The following VXN variants were observed in gnomAD, a reference collection of about 807,000 sequenced individuals.
VXN encodes vexin.
A neutral mutation model predicts 23.1 loss-of-function variants in VXN; 7 were observed. The observed-to-expected ratio is 0.30, with a 90% CI of 0.17 to 0.57. VXN has a LOEUF of 0.57. VXN is among the 20% of genes least tolerant of loss of function. The probability of loss-of-function intolerance (pLI) is 0.91; values close to 1 mark genes in which losing one functional copy is unlikely to be tolerated. For synonymous variants in VXN, 120 were observed against 105.8 expected, an observed-to-expected ratio of 1.13 and a Z score of -0.83; for missense variants, 238 against 272.6, an observed-to-expected ratio of 0.87 and a Z score of 0.89.
intron 3 of VXN, among the ~76,000 whole-genome samples, chr8:66,509,075 G>A (rs1028346241): frequency 9.2e-5 from 14 of 152,220 alleles, no homozygotes; most frequent in Admixed American, 3.3e-4. Context: ...AGTGCCTGGC[G>A]TACAGACAAA....
chr8:66,512,759 G>A (rs1807839104), intron 4 of VXN, among the ~76,000 whole-genome samples: 1 of 152,182 alleles, frequency 6.6e-6, no homozygotes, highest in South Asian at 2.1e-4. Context: ...AGCCTTGAAG[G>A]GGAGACAGAT....
At chr8:66,505,334 G>A (rs200298492) in intron 2 of VXN, 41 bp from the exon 3 acceptor site, 3 of 1,562,970 alleles carry the variant, frequency 1.9e-6, no homozygotes, top group Admixed American at 1.9e-5. Flanking sequence ...CCCTAGGCCC[G>A]AGCAGAGGAG....
chr8:66,505,282 C>T (rs2130549430), intron 2 of VXN, 93 bp from the exon 3 acceptor site: 8 of 1,476,250 alleles, frequency 5.4e-6, no homozygotes, highest in Non-Finnish European at 7.4e-6. Context: ...TCCCTCGATG[C>T]GAGCTCCATC....
intron 4 of VXN, among the ~76,000 whole-genome samples, chr8:66,511,519 G>C (rs1006568588): frequency 2.6e-5 from 4 of 152,178 alleles, no homozygotes; most frequent in Non-Finnish European, 5.9e-5. Context: ...GGGAAACCAG[G>C]AGGTCTGGGC....
chr8:66,507,633 C>T (rs1291735065), intron 3 of VXN, among the ~76,000 whole-genome samples: 1 of 152,004 alleles, frequency 6.6e-6, no homozygotes, highest in East Asian at 1.9e-4. Flanking sequence ...AAGACAAGAG[C>T]AATAAGTTAT....
chr8:66,505,045 C>G lies in VXN; in HGVS notation c.127-330C>G, dbSNP rs183688594. 1.8e-3 allele frequency among the ~76,000 whole-genome samples: 268 copies of G among 152,338 alleles called. 2 individuals are homozygous for G. Among genetic ancestry groups the G allele is most frequent in the Non-Finnish European group, 3.0e-3 (203 of 68,030 alleles). On this transcript the variant is annotated intron_variant, in intron 2 of 5. Transcript: ENST00000305454. The stretch of plus-strand genomic sequence containing the variant: ...CTGTTGTCAAAACACGTCAGGCGAC[C>G]GGGCAGCTGGCCTGCCCGTATCTCT...
chr8:66,498,573 T>C (rs567031694), intron 2 of VXN, among the ~76,000 whole-genome samples: 15 of 152,206 alleles, frequency 9.9e-5, no homozygotes, highest in Non-Finnish European at 2.1e-4. Flanking sequence ...TGGATAGTAC[T>C]GAACCCTGTA....
At chr8:66,515,835 A>G (rs1807881311) in intron 5 of VXN, 58 bp from the exon 6 acceptor site, 1 of 1,449,074 alleles carries the variant, frequency 6.9e-7, no homozygotes, top group South Asian at 1.4e-5. Flanking sequence ...TAAGGGCAAA[A>G]ATGAAGTTTG....
At chr8:66,502,846 T>C (rs1247122591) in intron 2 of VXN, among the ~76,000 whole-genome samples, 2 of 145,516 alleles carry the variant, frequency 1.4e-5, no homozygotes, top group East Asian at 3.9e-4. Context: ...AGGCTGTTCT[T>C]CTTCCTTTTT....
In VXN at chr8:66,516,553, A is replaced by G. The variant is rs1225107720; in HGVS notation, c.*477A>G. Reference sequence around the variant, plus strand: ...ACAATTTTCAAGGACAAAGCACTATATATAAAGTTAGTAGTTCTAATATCC... The same window carrying G: ...ACAATTTTCAAGGACAAAGCACTATGTATAAAGTTAGTAGTTCTAATATCC... On this transcript the variant is annotated 3_prime_UTR_variant, in exon 6 of 6. Transcript: ENST00000305454. The G allele has an allele frequency of 2.6e-5, 4 of 152,386 alleles. No homozygotes were observed. Among genetic ancestry groups the G allele is most frequent in the Non-Finnish European group, 4.4e-5 (3 of 68,168 alleles). 9.4% of individuals were successfully genotyped at this position (152,386 alleles called of 1,614,324 possible).
At chr8:66,505,283 G>C (rs765404086) in intron 2 of VXN, 92 bp from the exon 3 acceptor site, 5 of 1,485,808 alleles carry the variant, frequency 3.4e-6, no homozygotes, top group Non-Finnish European at 1.8e-6. Flanking sequence ...CCCTCGATGC[G>C]AGCTCCATCT....
intron 2 of VXN, among the ~76,000 whole-genome samples, chr8:66,502,584 T>C: frequency 6.6e-6 from 1 of 151,856 alleles, no homozygotes; most frequent in South Asian, 2.1e-4. Context: ...CCATCTCTAC[T>C]AAAAATACAA....
intron 4 of VXN, among the ~76,000 whole-genome samples, chr8:66,511,183 C>T (rs903769003): frequency 3.2e-4 from 49 of 152,298 alleles, no homozygotes; most frequent in Non-Finnish European, 6.5e-4. Context: ...TCAGGCCTAT[C>T]AGTACATCTC....
rs771919634 is a variant in VXN, at chr8:66,505,425, C to T, written c.177C>T (p.Pro59=). 8.9e-6 allele frequency: 14 copies of T among 1,579,938 alleles called. No individual in the cohort carries two copies. Among genetic ancestry groups the T allele is most frequent in the Non-Finnish European group, 1.1e-5 (13 of 1,163,652 alleles). ...LYTHQPLELL[P]HRGDRRDPGD... is the part of the protein sequence containing the mutation. ...CGCACCAGCCCCTGGAGCTGCTGCC[C>T]CACCGCGGAGACCGCAGGGACCCTG... The change falls in exon 3 of 6, where the codon CCC becomes CCT. Residue 59 remains proline, a synonymous_variant. Transcript: ENST00000305454.
At chr8:66,496,794 A>C (rs1279403221) in intron 2 of VXN, among the ~76,000 whole-genome samples, 3 of 152,088 alleles carry the variant, frequency 2.0e-5, no homozygotes, top group African/African-American at 7.2e-5. Context: ...TGGACATAGC[A>C]TTCCTGATCT....
intron 4 of VXN, among the ~76,000 whole-genome samples, chr8:66,512,310 A>G (rs187059115): frequency 7.6e-4 from 115 of 152,272 alleles, no homozygotes; most frequent in African/African-American, 2.6e-3. Flanking sequence ...AGGGGGTGCA[A>G]GTGTTCACCG....
At chr8:66,505,554 C>A in intron 3 of VXN, 26 bp downstream of exon 3, 1 of 1,459,218 alleles carries the variant, frequency 6.9e-7, no homozygotes, top group South Asian at 1.4e-5. Context: ...CCCCAGCTCC[C>A]CGCACCTCCC....
Position 66,516,525 on chromosome 8 carries a change from G to A in VXN, c.*449G>A, listed in dbSNP as rs1807898674. ...TACTGCATTTACTTCACCTTGACAA[G>A]GTACAATTTTCAAGGACAAAGCACT... On this transcript the variant is annotated 3_prime_UTR_variant, in exon 6 of 6. Transcript: ENST00000305454. 1 of 152,582 alleles carries A rather than the reference G, an allele frequency of 6.6e-6. No individual in the cohort carries two copies. Among genetic ancestry groups the A allele is most frequent in the Non-Finnish European group, 1.5e-5 (1 of 68,394 alleles). 9.5% of individuals were successfully genotyped at this position (152,582 alleles called of 1,614,324 possible).
rs1482279066 is a variant in VXN at position 66,496,291 on chromosome 8, A to T, written c.71-146A>T. On this transcript the variant is annotated intron_variant, in intron 1 of 5. Coordinates refer to ENST00000305454, the MANE Select transcript of VXN (RefSeq NM_152765.4). ...TGTACTCAAGCCAAGTAACATCTTC[A>T]ATCGCAACGACCCTGTCTCTTTTTC... The T allele has an allele frequency of 8.8e-6, 6 of 684,310 alleles. No homozygotes were observed. In the Middle Eastern group the frequency reaches 7.3e-4, roughly 84 times the overall value. 42.4% of individuals were successfully genotyped at this position (684,310 alleles called of 1,614,324 possible). A position where few individuals can be genotyped will look rare whatever the true frequency, so the allele number is the denominator to read the frequency against.
Sources: gnomAD v4.1 joint callset for allele counts (sites outside exome capture counted in the v4.1 genomes callset) on GRCh38, gnomAD v4.1.1 for gene constraint, MANE v1.5 for transcripts, NCBI Gene and HGNC (gene_info 2026-07-23, HGNC 2026-07-21) for gene names.